ZC3H12B: variants seen among roughly 807,000 people sequenced by gnomAD.
ZC3H12B encodes the protein probable ribonuclease ZC3H12B.
A neutral mutation model predicts 43.9 loss-of-function variants in ZC3H12B; 7 were observed. The ratio of observed to expected loss-of-function variants is 0.16; its 90% CI spans 0.09 to 0.30. The LOEUF (loss-of-function observed/expected upper bound fraction) is 0.30, where lower values mean the gene tolerates loss of function less well. Among genes scored for constraint, ZC3H12B ranks in the 10% least tolerant of loss-of-function variants. The pLI, the probability that ZC3H12B is intolerant of heterozygous loss-of-function variation, is 1.00. For synonymous variants in ZC3H12B, 222 were observed against 241.7 expected (o/e 0.92, Z 0.76); for missense variants, 475 against 670.2 (o/e 0.71, Z 3.22).
the ZC3H12B span, among the ~76,000 whole-genome samples, chrX:65,294,006 G>A: frequency 4.5e-5 from 5 of 111,239 alleles, no homozygotes; most frequent in African/African-American, 6.5e-5. Flanking sequence ...CTCAAAGAAC[G>A]CCCAGGAAAT....
intron 3 of ZC3H12B, among the ~76,000 whole-genome samples, chrX:65,413,800 T>A (rs2066930762): frequency 8.9e-6 from 1 of 112,251 alleles, no homozygotes; most frequent in Non-Finnish European, 1.9e-5. Flanking sequence ...GAACTTGAGG[T>A]TTAGCTTTTC....
At chrX:65,299,598 A>G in the ZC3H12B span, among the ~76,000 whole-genome samples, 1 of 112,048 alleles carries the variant, frequency 8.9e-6, no homozygotes, top group African/African-American at 3.2e-5. Context: ...CCTAGGTCTA[A>G]GAGCTCAAAT....
chrX:65,416,714 G>A (rs768291216), intron 3 of ZC3H12B, among the ~76,000 whole-genome samples: 9 of 108,576 alleles, frequency 8.3e-5, no homozygotes, highest in South Asian at 8.1e-4. Context: ...GGTGTGAACC[G>A]GAAGGCGGAG....
At chrX:65,263,215 A>G in the ZC3H12B span, among the ~76,000 whole-genome samples, 1 of 111,562 alleles carries the variant, frequency 9.0e-6, no homozygotes, top group Admixed American at 9.6e-5. Context: ...TATCAATAAA[A>G]AAATTTTGGA....
At chrX:65,046,934 GCAATCAGAACATGTA>G in the ZC3H12B span, among the ~76,000 whole-genome samples, 2 of 111,059 alleles carry the variant, frequency 1.8e-5, no homozygotes, top group South Asian at 7.7e-4. Context: ...GGCCAGTTTA[GCAATCAGAACATGTA>G]CATATTTATT....
At chrX:65,350,543 G>T in the ZC3H12B span, among the ~76,000 whole-genome samples, 1 of 111,829 alleles carries the variant, frequency 8.9e-6, no homozygotes, top group Admixed American at 9.5e-5. Context: ...AATTGTCTCT[G>T]TTTGCAGATG....
At chrX:65,416,556 C>T (rs928289861) in intron 3 of ZC3H12B, among the ~76,000 whole-genome samples, 4 of 108,334 alleles carry the variant, frequency 3.7e-5, no homozygotes, top group South Asian at 4.2e-4. Context: ...CTGAGGTGGG[C>T]GGATGACGAG....
At chrX:65,299,772 G>C in the ZC3H12B span, among the ~76,000 whole-genome samples, 1 of 112,371 alleles carries the variant, frequency 8.9e-6, no homozygotes, top group Non-Finnish European at 1.9e-5. Flanking sequence ...AGAATCCTCA[G>C]ACCCTTTGAA....
chrX:65,456,987 A>G (rs1425440763), intron 3 of ZC3H12B, among the ~76,000 whole-genome samples: 1 of 93,738 alleles, frequency 1.1e-5, no homozygotes, highest in African/African-American at 4.0e-5. Flanking sequence ...CATCCCATCT[A>G]GGAAGCGAGG....
chrX:65,171,509 A>T, the ZC3H12B span, among the ~76,000 whole-genome samples: 3 of 111,366 alleles, frequency 2.7e-5, no homozygotes, highest in African/African-American at 9.8e-5. Flanking sequence ...TTGAGGAGGC[A>T]GTCTGACCAT....
the ZC3H12B span, among the ~76,000 whole-genome samples, chrX:65,106,781 A>G: frequency 8.9e-6 from 1 of 111,817 alleles, no homozygotes; most frequent in East Asian, 2.8e-4. Flanking sequence ...TTAAGCTAAC[A>G]TGAACTGAGC....
intron 2 of ZC3H12B, among the ~76,000 whole-genome samples, chrX:65,394,385 G>A (rs1410207650): frequency 8.9e-6 from 1 of 112,559 alleles, no homozygotes; most frequent in Non-Finnish European, 1.9e-5. Flanking sequence ...TGTATTAGGT[G>A]TAAGGAACGG....
In ZC3H12B at chrX:65,469,307, G is replaced by C. The variant is rs978219562; in HGVS notation, n.408-19339G>C. The C allele has an allele frequency of 2.3e-5, 7 of 300,545 alleles. No homozygotes were observed. The East Asian group carries it at 4.4e-4, about 19-fold the overall frequency. The allele number at this position is 300,545 out of a possible 1,213,427, so 24.8% of individuals were successfully genotyped here. ...GCTCCGAGCGCATCAAGTACAAGAAGAACGAGGTCTTCATTGATGTTATAG... is the reference window on the plus strand; with the variant it reads ...GCTCCGAGCGCATCAAGTACAAGAACAACGAGGTCTTCATTGATGTTATAG... On this transcript the variant is annotated intron_variant and non_coding_transcript_variant, in intron 3 of 5. Transcript: ENST00000617377.
At chrX:65,260,325 G>C in the ZC3H12B span, among the ~76,000 whole-genome samples, 5 of 110,347 alleles carry the variant, frequency 4.5e-5, no homozygotes, top group Admixed American at 4.8e-4. Flanking sequence ...AAATACCTAG[G>C]AATACAGCTA....
At chrX:65,107,851 C>T in the ZC3H12B span, among the ~76,000 whole-genome samples, 1 of 111,075 alleles carries the variant, frequency 9.0e-6, no homozygotes, top group Non-Finnish European at 1.9e-5. Flanking sequence ...TTCTTAGTCT[C>T]GGGCAGTTCT....
At chrX:65,120,609 C>T in the ZC3H12B span, among the ~76,000 whole-genome samples, 2 of 111,425 alleles carry the variant, frequency 1.8e-5, no homozygotes, top group African/African-American at 6.5e-5. Context: ...GACAATTTGA[C>T]TTCCTTTTTT....
chrX:65,197,934 C>A, the ZC3H12B span, among the ~76,000 whole-genome samples: 3 of 112,344 alleles, frequency 2.7e-5, no homozygotes, highest in African/African-American at 9.7e-5. Flanking sequence ...TTAGTCCAGT[C>A]TGGAGCCAGC....
the ZC3H12B span, among the ~76,000 whole-genome samples, chrX:65,184,839 CATA>C: frequency 9.0e-6 from 1 of 111,623 alleles, no homozygotes; most frequent in African/African-American, 3.2e-5. Context: ...TAGATTTTGA[CATA>C]ATATTCATTT....
chrX:65,155,679 C>A, the ZC3H12B span, among the ~76,000 whole-genome samples: 6 of 110,467 alleles, frequency 5.4e-5, no homozygotes, highest in African/African-American at 2.0e-4. Context: ...CATGGTGAAA[C>A]CTCGTCTGTA....
Sources: gnomAD v4.1 joint callset for allele counts (sites outside exome capture counted in the v4.1 genomes callset) on GRCh38, gnomAD v4.1.1 for gene constraint, MANE v1.5 for transcripts, NCBI Gene and HGNC (gene_info 2026-07-23, HGNC 2026-07-21) for gene names.